TMTC2: variants seen among roughly 807,000 people sequenced by gnomAD.
The protein encoded by TMTC2 is protein O-mannosyl-transferase TMTC2.
TMTC2 carries 43 observed loss-of-function variants against 82.4 expected under a neutral mutation model. The observed-to-expected ratio is 0.52, with a 90% CI of 0.41 to 0.67. The LOEUF is 0.67. TMTC2 is among the 30% of genes least tolerant of loss of function. The probability of loss-of-function intolerance (pLI) is 0.00; values close to 1 mark genes in which losing one functional copy is unlikely to be tolerated. For synonymous variants in TMTC2, 408 were observed against 381.9 expected (o/e 1.07, Z -0.80); for missense variants, 919 against 1,012.4 (o/e 0.91, Z 1.25).
At chr12:82,980,912 C>A (rs1308902288) in intron 7 of TMTC2, among the ~76,000 whole-genome samples, 2 of 151,778 alleles carry the variant, frequency 1.3e-5, no homozygotes, top group African/African-American at 2.4e-5. Context: ...CATACATACC[C>A]CACATTTTTC....
At chr12:83,055,715 T>C (rs1389384199) in intron 10 of TMTC2, among the ~76,000 whole-genome samples, 1 of 151,534 alleles carries the variant, frequency 6.6e-6, no homozygotes, top group African/African-American at 2.4e-5. Flanking sequence ...GGTGTGTGTG[T>C]GTGTGTGTGT....
intron 3 of TMTC2, among the ~76,000 whole-genome samples, chr12:82,923,872 T>C (rs1188068972): frequency 6.6e-6 from 1 of 152,162 alleles, no homozygotes; most frequent in Non-Finnish European, 1.5e-5. Context: ...TTTGCATACT[T>C]CCAGGTAGTC....
intron 11 of TMTC2, among the ~76,000 whole-genome samples, chr12:83,070,060 C>T (rs1300868855): frequency 6.6e-6 from 1 of 152,066 alleles, no homozygotes; most frequent in Non-Finnish European, 1.5e-5. Context: ...ATCTTTATAC[C>T]AGTACCAGGC....
At chr12:82,919,326 A>C (rs192998329) in intron 3 of TMTC2, among the ~76,000 whole-genome samples, 20 of 152,272 alleles carry the variant, frequency 1.3e-4, no homozygotes, top group Admixed American at 1.2e-3. Context: ...TCTTATTAGG[A>C]CCTACCTCCC....
intron 1 of TMTC2, among the ~76,000 whole-genome samples, chr12:82,809,371 T>C (rs867044307): frequency 2.0e-5 from 3 of 152,024 alleles, no homozygotes; most frequent in African/African-American, 7.2e-5. Context: ...GAGTGAAATA[T>C]GTGTAGCCAA....
At chr12:82,899,371 C>A (rs1873845034) in intron 3 of TMTC2, among the ~76,000 whole-genome samples, 1 of 151,786 alleles carries the variant, frequency 6.6e-6, no homozygotes, top group African/African-American at 2.4e-5. Flanking sequence ...TTGACCTCCT[C>A]TTTTCCCTTC....
chr12:82,785,213 C>T (rs896450059), intron 1 of TMTC2, among the ~76,000 whole-genome samples: 10 of 151,984 alleles, frequency 6.6e-5, no homozygotes, highest in African/African-American at 1.9e-4. Context: ...AAAGACTTAG[C>T]GGGAAAACTC....
chr12:82,779,764 G>C (rs1877799428), intron 1 of TMTC2, among the ~76,000 whole-genome samples: 1 of 152,078 alleles, frequency 6.6e-6, no homozygotes, highest in African/African-American at 2.4e-5. Flanking sequence ...GCCGGGTGTG[G>C]TGGCATGCTC....
intron 11 of TMTC2, among the ~76,000 whole-genome samples, chr12:83,069,899 C>T (rs183876331): frequency 1.1e-3 from 173 of 152,122 alleles, no homozygotes; most frequent in South Asian, 5.6e-3. Context: ...TTTCATTCTC[C>T]CACATGTGGC....
intron 1 of TMTC2, among the ~76,000 whole-genome samples, chr12:82,762,835 T>G (rs1418055673): frequency 1.3e-5 from 2 of 152,116 alleles, no homozygotes; most frequent in East Asian, 3.9e-4. Context: ...TTTTAAAAAT[T>G]TAAGGTAGAT....
At chr12:83,129,239 T>C (rs985236683) in intron 11 of TMTC2, among the ~76,000 whole-genome samples, 1 of 152,314 alleles carries the variant, frequency 6.6e-6, no homozygotes, top group Non-Finnish European at 1.5e-5. Flanking sequence ...AGTTTCCATA[T>C]TTTTTAGCCA....
At chr12:83,069,679 C>CA (rs1007942975) in intron 11 of TMTC2, among the ~76,000 whole-genome samples, 3 of 151,950 alleles carry the variant, frequency 2.0e-5, no homozygotes, top group Middle Eastern at 3.4e-3. Flanking sequence ...TTTTGCTGTG[C>CA]AAAAAAGCTC....
rs577125089 is a variant in TMTC2, at chr12:82,714,999, C to G, written c.83+27330C>G. Among the ~76,000 whole-genome samples the G allele has an allele frequency of 2.0e-5, 3 of 152,098 alleles. No homozygotes were observed. In the South Asian group the frequency reaches 6.2e-4, roughly 32 times the overall value. On this transcript the variant is annotated intron_variant, in intron 1 of 11. Transcript: ENST00000321196. ...AAAAGGCATACAAATCTGCCGGGCA[C>G]GGTGGCTCGCACCTGTAATCCCAGC...
chr12:83,044,523 TTGAGAACACCCTC>T (rs1882019240), intron 9 of TMTC2, among the ~76,000 whole-genome samples: 1 of 152,092 alleles, frequency 6.6e-6, no homozygotes, highest in Admixed American at 6.6e-5. Flanking sequence ...GACTGCCGTT[TTGAGAACACCCTC>T]TGGATAGAAG....
At chr12:82,914,304 A>C (rs996922526) in intron 3 of TMTC2, among the ~76,000 whole-genome samples, 1 of 151,470 alleles carries the variant, frequency 6.6e-6, no homozygotes, top group African/African-American at 2.4e-5. Flanking sequence ...TGCATTTTTT[A>C]CTCATCATTT....
chr12:83,031,233 C>T (rs60254601), intron 9 of TMTC2, among the ~76,000 whole-genome samples: 13,211 of 151,844 alleles, frequency 0.087, 798 homozygotes, highest in East Asian at 0.27. Flanking sequence ...TAAGTGATAA[C>T]GTATTGCTCA....
intron 1 of TMTC2, among the ~76,000 whole-genome samples, chr12:82,741,236 T>C (rs538866757): frequency 6.6e-6 from 1 of 152,070 alleles, no homozygotes; most frequent in Non-Finnish European, 1.5e-5. Flanking sequence ...CCTGAGGTGG[T>C]TTGTTTGTTT....
intron 8 of TMTC2, among the ~76,000 whole-genome samples, chr12:83,007,886 A>G (rs1169298232): frequency 6.6e-6 from 1 of 152,076 alleles, no homozygotes; most frequent in African/African-American, 2.4e-5. Flanking sequence ...GGATAGTTTC[A>G]CTGGATATAA....
At chr12:83,115,449 C>A (rs1033422416) in intron 11 of TMTC2, among the ~76,000 whole-genome samples, 6 of 152,072 alleles carry the variant, frequency 3.9e-5, no homozygotes, top group African/African-American at 1.2e-4. Flanking sequence ...TTCTTAAATT[C>A]TACTTATTTT....
Sources: gnomAD v4.1 joint callset for allele counts (sites outside exome capture counted in the v4.1 genomes callset) on GRCh38, gnomAD v4.1.1 for gene constraint, MANE v1.5 for transcripts, NCBI Gene and HGNC (gene_info 2026-07-23, HGNC 2026-07-21) for gene names.